The following FSIP2 variants were observed in gnomAD, a reference collection of about 807,000 sequenced individuals.
FSIP2 encodes the protein fibrous sheath interacting protein 2.
In FSIP2, 367 loss-of-function variants were observed where a neutral mutation model predicts 510.5. The ratio of observed to expected loss-of-function variants is 0.72; its 90% CI spans 0.66 to 0.78. FSIP2 has a LOEUF of 0.78. Ranked by LOEUF, FSIP2 falls within the 30% of genes least tolerant of loss-of-function variation. FSIP2 has a pLI of 0.00. For synonymous variants in FSIP2, 2,601 were observed against 2,732.2 expected (o/e 0.95, Z 1.50); for missense variants, 7,594 against 7,901.7 (o/e 0.96, Z 1.48).
intron 9 of FSIP2, among the ~76,000 whole-genome samples, chr2:185,756,648 T>C (rs1357187755): frequency 6.6e-6 from 1 of 151,424 alleles, no homozygotes; most frequent in Non-Finnish European, 1.5e-5. Context: ...CCAGATTCAC[T>C]GTGGCCTTTA....
At chr2:185,762,478 T>A (rs1443471864) in intron 11 of FSIP2, among the ~76,000 whole-genome samples, 3 of 151,362 alleles carry the variant, frequency 2.0e-5, no homozygotes, top group Non-Finnish European at 4.4e-5. Context: ...ATATCTGACA[T>A]ATGCATACAG....
Position 185,805,395 on chromosome 2 carries a change from C to T in FSIP2, c.16089C>T (p.Cys5363=). 6.3e-7 allele frequency: 1 copy of T among 1,599,090 alleles called. No homozygotes were observed. Among genetic ancestry groups the T allele is most frequent in the Non-Finnish European group, 8.5e-7 (1 of 1,174,066 alleles). The change falls in exon 17 of 23, where the codon TGC becomes TGT. Residue 5363 remains cysteine, a synonymous_variant. Transcript: ENST00000424728. The part of the protein sequence containing the change: ...NFVYEQFIEK[C]TSHDIQKGDE... ...TATATGAACAGTTCATAGAAAAATG[C>T]ACATCTCATGATATTCAAAAAGGTG... is the stretch of plus-strand genomic sequence containing the variant.
At chr2:185,777,397 T>G (rs972668789) in intron 13 of FSIP2, among the ~76,000 whole-genome samples, 3 of 139,708 alleles carry the variant, frequency 2.1e-5, no homozygotes, top group Non-Finnish European at 3.0e-5. Context: ...ATTGTAGTTT[T>G]TTTTTTTTTT....
At chr2:185,810,525 C>T (rs1242858425) in intron 17 of FSIP2, among the ~76,000 whole-genome samples, 1 of 143,650 alleles carries the variant, frequency 7.0e-6, no homozygotes, top group Admixed American at 7.2e-5. Context: ...GAACCATGAG[C>T]CAGTTAAACC....
At position 185,796,218 on chromosome 2, in the gene FSIP2, T is replaced by C. The variant is rs1429781934; in HGVS notation, c.9082T>C (p.Ser3028Pro). 1.3e-6 allele frequency: 2 copies of C among 1,529,480 alleles called. No individual in the cohort carries two copies. The highest frequency in any genetic ancestry group is 1.7e-6 in the Non-Finnish European group (2 of 1,144,752). 94.7% of individuals were successfully genotyped at this position (1,529,480 alleles called of 1,614,324 possible). Reference protein sequence around the residue: ...EIVKMPIENLSSIQQKLLNKK... With the variant: ...EIVKMPIENLPSIQQKLLNKK... ...TGTGAAAATGCCTATAGAAAACCTT[T>C]CTTCTATCCAACAGAAACTGTTAAA... The change falls in exon 16 of 23, where the codon TCT becomes CCT. Residue 3028 changes from serine (S) to proline (P), a missense_variant. Transcript: ENST00000424728.
chr2:185,769,132 TTCC>T (rs1461945414), intron 13 of FSIP2, among the ~76,000 whole-genome samples: 1 of 152,146 alleles, frequency 6.6e-6, no homozygotes, highest in Non-Finnish European at 1.5e-5. Context: ...TGGTGTATGG[TTCC>T]TTTGGGTATA....
intron 13 of FSIP2, among the ~76,000 whole-genome samples, chr2:185,768,811 G>A (rs758182944): frequency 1.1e-4 from 17 of 151,568 alleles, no homozygotes; most frequent in Admixed American, 3.3e-4. Flanking sequence ...GTGTGGCCTC[G>A]GTGTCATTCC....
intron 7 of FSIP2, among the ~76,000 whole-genome samples, chr2:185,750,669 A>G (rs1223178034): frequency 8.2e-6 from 1 of 121,482 alleles, no homozygotes; most frequent in Non-Finnish European, 1.8e-5. Context: ...TTTTCTTTTT[A>G]GGTGGAAGTC....
rs1024181004 is a variant in FSIP2, at chr2:185,800,750, A to G, written c.11444A>G (p.Gln3815Arg). 6.5e-7 allele frequency: 1 copy of G among 1,533,968 alleles called. No homozygotes were observed. The highest frequency in any genetic ancestry group is 2.4e-5 in the East Asian group (1 of 40,822). ...GGAGGAATGGACTGTGAATGCCTTC[A>G]AGTAGATTACATGTCAGACCTTTTG... Reference protein sequence around the residue: ...RKGGMDCECLQVDYMSDLLEN... With the variant: ...RKGGMDCECLRVDYMSDLLEN... The change falls in exon 17 of 23, where the codon CAA becomes CGA. Residue 3815 changes from glutamine to arginine, a missense_variant. Physicochemically the swap from Gln to Arg is conservative, Grantham distance 43. Transcript: ENST00000424728.
Position 185,795,161 on chromosome 2 carries a change from A to C in FSIP2, c.8025A>C (p.Lys2675Asn). 1 of 1,534,858 alleles carries C rather than the reference A, an allele frequency of 6.5e-7. No individual in the cohort carries two copies. Among genetic ancestry groups the C allele is most frequent in the Non-Finnish European group, 8.7e-7 (1 of 1,146,146 alleles). The change falls in exon 16 of 23, where the codon AAA becomes AAC. Residue 2675 changes from lysine (K) to asparagine (N), a missense_variant. Physicochemically the swap from Lys to Asn is moderately conservative, Grantham distance 94. Coordinates refer to ENST00000424728, the MANE Select transcript of FSIP2 (RefSeq NM_173651.4). ...KTRSKITTLPKFTKKTHLGLS... is the reference protein window; with the variant it reads ...KTRSKITTLPNFTKKTHLGLS... ...GATCAAAAATTACCACTTTGCCTAA[A>C]TTTACAAAAAAAACACACTTAGGAC...
At position 185,793,647 on chromosome 2, in the gene FSIP2, G is replaced by T. The variant is rs1021010939; in HGVS notation, c.6511G>T (p.Ala2171Ser). ...TGTTCTTCATAATCTCAGTTCTGCTGCCACGCTTGTCATAAATGCAAAGAA... is the reference window on the plus strand; with the variant it reads ...TGTTCTTCATAATCTCAGTTCTGCTTCCACGCTTGTCATAAATGCAAAGAA... ...NIVLHNLSSA[A>S]TLVINAKNPT... The change falls in exon 16 of 23, where the codon GCC becomes TCC. Residue 2171 changes from alanine to serine, a missense_variant. Physicochemically the swap from Ala to Ser is moderately conservative, Grantham distance 99 (BLOSUM62 1). Coordinates refer to ENST00000424728, the MANE Select transcript of FSIP2 (RefSeq NM_173651.4). 7.2e-6 allele frequency: 11 copies of T among 1,534,562 alleles called. No homozygotes were observed. The highest frequency in any genetic ancestry group is 9.6e-6 in the Non-Finnish European group (11 of 1,145,736).
In FSIP2 at chr2:185,795,645, T is replaced by C; in HGVS notation, c.8509T>C (p.Phe2837Leu). Residue 2837 changes from phenylalanine to leucine, a missense_variant, in exon 16 of 23, where the codon TTT (phenylalanine) becomes CTT (leucine). By Grantham distance (22) the Phe-to-Leu change is conservative. Transcript: ENST00000424728. ...LEHIFPREGI[F>L]KKLFDKWQTE... The stretch of plus-strand genomic sequence containing the variant: ...GCACATTTTTCCTAGAGAAGGTATA[T>C]TTAAAAAATTGTTTGACAAGTGGCA... 6.5e-7 allele frequency: 1 copy of C among 1,534,474 alleles called. No individual in the cohort carries two copies.
chr2:185,773,768 A>G (rs1488299320), intron 13 of FSIP2, among the ~76,000 whole-genome samples: 1 of 151,992 alleles, frequency 6.6e-6, no homozygotes, highest in African/African-American at 2.4e-5. Flanking sequence ...ATTTCTGTTG[A>G]CTAATATTTT....
At chr2:185,773,190 T>A (rs1361480048) in intron 13 of FSIP2, among the ~76,000 whole-genome samples, 1 of 152,194 alleles carries the variant, frequency 6.6e-6, no homozygotes, top group Non-Finnish European at 1.5e-5. Flanking sequence ...ACCAGTTTAG[T>A]GGTGATGAAC....
chr2:185,790,110 A>G lies in FSIP2; in HGVS notation c.2974A>G (p.Ile992Val), dbSNP rs1693084369. Residue 992 changes from isoleucine to valine, a missense_variant, in exon 16 of 23, where the codon ATA (isoleucine) becomes GTA (valine). Ile to Val is a conservative substitution (Grantham distance 29, BLOSUM62 3). Coordinates refer to ENST00000424728, the MANE Select transcript of FSIP2 (RefSeq NM_173651.4). ...TAGGTCTGGAAGACCATTTCCACCT[A>G]TAAATGTTCCAGGCATGGTTCTTTA... ...SPRSGRPFPP[I>V]NVPGMVLYSD... 6.5e-7 allele frequency: 1 copy of G among 1,533,834 alleles called. No homozygotes were observed. The highest frequency in any genetic ancestry group is 8.7e-7 in the Non-Finnish European group (1 of 1,145,410).
intron 21 of FSIP2, 59 bp downstream of exon 21, chr2:185,828,258 A>C: frequency 3.3e-6 from 3 of 907,408 alleles, no homozygotes; most frequent in East Asian, 4.8e-5. Context: ...AGAACAACTC[A>C]GTTTTCATAG....
chr2:185,806,586 G>A lies in FSIP2; in HGVS notation c.17280G>A (p.Glu5760=), dbSNP rs372044012. The change falls in exon 17 of 23, where the codon GAG becomes GAA. Residue 5760 remains glutamate, a synonymous_variant. Coordinates refer to ENST00000424728, the MANE Select transcript of FSIP2 (RefSeq NM_173651.4). ...EEREKEKVRE[E]IKSEPSKPDD... The stretch of plus-strand genomic sequence containing the variant: ...GAGAAAAAGAGAAAGTAAGAGAGGA[G>A]ATTAAAAGTGAACCCAGTAAACCAG... 1.2e-6 allele frequency: 2 copies of A among 1,607,518 alleles called. No homozygotes were observed. The highest frequency in any genetic ancestry group is 1.3e-5 in the African/African-American group (1 of 74,300).
At position 185,806,011 on chromosome 2, in the gene FSIP2, A is replaced by T; in HGVS notation, c.16705A>T (p.Asn5569Tyr). The T allele has an allele frequency of 6.4e-7, 1 of 1,556,244 alleles. No individual in the cohort carries two copies. Among genetic ancestry groups the T allele is most frequent in the South Asian group, 1.2e-5 (1 of 82,410 alleles). ...TAATAATGAAATTGAGAAGAAAAGA[A>T]ATTTAATTCCAACAGATAAAAAAGG... is the stretch of plus-strand genomic sequence containing the variant. ...FNNNEIEKKR[N>Y]LIPTDKKGKD... The change falls in exon 17 of 23, where the codon AAT becomes TAT. Residue 5569 changes from asparagine (N) to tyrosine (Y), a missense_variant. Transcript: ENST00000424728.
At chr2:185,738,582 T>C (rs749226610), upstream of FSIP2, 52 of 1,533,712 alleles carry the variant, frequency 3.4e-5, no homozygotes, top group East Asian at 1.1e-3. Flanking sequence ...ACAAAGCTTA[T>C]ACGTTTTCGT....
Sources: gnomAD v4.1 joint callset for allele counts (sites outside exome capture counted in the v4.1 genomes callset) on GRCh38, gnomAD v4.1.1 for gene constraint, MANE v1.5 for transcripts, NCBI Gene and HGNC (gene_info 2026-07-23, HGNC 2026-07-21) for gene names.